The following GREB1 variants were observed in gnomAD, a reference collection of about 807,000 sequenced individuals.
The protein encoded by GREB1 is growth regulating estrogen receptor binding 1, also known as protein GREB1.
In GREB1, 106 loss-of-function variants were observed where a neutral mutation model predicts 200.7. The observed-to-expected ratio is 0.53, with a 90% CI of 0.45 to 0.62. GREB1 has a LOEUF of 0.62. Among genes scored for constraint, GREB1 ranks in the 20% least tolerant of loss-of-function variants. The pLI, the probability that GREB1 is intolerant of heterozygous loss-of-function variation, is 0.00. For synonymous variants in GREB1, 1,132 were observed against 1,092.4 expected, an observed-to-expected ratio of 1.04 and a Z score of -0.72; for missense variants, 2,243 against 2,556.8, an observed-to-expected ratio of 0.88 and a Z score of 2.65.
chr2:11,572,820 C>T (rs1678449244), intron 4 of GREB1, among the ~76,000 whole-genome samples: 1 of 151,966 alleles, frequency 6.6e-6, no homozygotes, highest in Admixed American at 6.6e-5. Flanking sequence ...AATCCTAACT[C>T]CAGCACTTTC....
intron 26 of GREB1, among the ~76,000 whole-genome samples, chr2:11,631,406 A>G (rs1361224690): frequency 6.6e-6 from 1 of 152,240 alleles, no homozygotes; most frequent in Non-Finnish European, 1.5e-5. Context: ...TTCTAATATG[A>G]GAGGGTAATG....
At chr2:11,575,509 G>T (rs747006653) in intron 4 of GREB1, among the ~76,000 whole-genome samples, 2 of 152,200 alleles carry the variant, frequency 1.3e-5, no homozygotes, top group Non-Finnish European at 2.9e-5. Flanking sequence ...GCTGATGGAA[G>T]CCTCCATCAC....
chr2:11,588,608 T>C, intron 9 of GREB1, 138 bp from the exon 10 acceptor site: 1 of 806,996 alleles, frequency 1.2e-6, no homozygotes, highest in Non-Finnish European at 2.2e-6. Flanking sequence ...TGAGCAAGGC[T>C]TCCCAGGACA....
chr2:11,555,571 C>A (rs1020716230), intron 1 of GREB1, among the ~76,000 whole-genome samples: 4 of 152,194 alleles, frequency 2.6e-5, no homozygotes, highest in Admixed American at 2.6e-4. Context: ...AGTATTGATT[C>A]ATGCTAAACA....
intron 11 of GREB1, among the ~76,000 whole-genome samples, chr2:11,593,418 G>T (rs1680929291): frequency 8.3e-6 from 1 of 120,836 alleles, no homozygotes; most frequent in South Asian, 2.6e-4. Flanking sequence ...CTCACACCAG[G>T]ATGGCCCTGT....
chr2:11,581,334 G>T, intron 7 of GREB1: 1 of 336,396 alleles, frequency 3.0e-6, no homozygotes, highest in Non-Finnish European at 5.4e-6. Context: ...AGCACATCTG[G>T]CAGCTCACTA....
At position 11,576,440 on chromosome 2, in the gene GREB1, C is replaced by G. The variant is rs74359044; in HGVS notation, c.542C>G (p.Thr181Ser). ...AATCATATAAATCTGAAACTGACCA[C>G]TCAACCCAAGAAGCAGAAACACTTG... The part of the protein sequence containing the change: ...FSNHINLKLT[T>S]QPKKQKHLKY... Residue 181 changes from threonine (T) to serine (S), a missense_variant, in exon 5 of 33, where the codon ACT (threonine) becomes AGT (serine). Thr to Ser is a moderately conservative substitution (Grantham distance 58). Coordinates refer to ENST00000381486, the MANE Select transcript of GREB1 (RefSeq NM_014668.4). 6.2e-7 allele frequency: 1 copy of G among 1,613,770 alleles called. No individual in the cohort carries two copies. The highest frequency in any genetic ancestry group is 1.7e-5 in the Admixed American group (1 of 60,014).
Position 11,548,314 on chromosome 2 carries a change from A to G in GREB1, c.-161-8140A>G, listed in dbSNP as rs982708796. Among the ~76,000 whole-genome samples, 1 of 147,698 alleles carries G rather than the reference A, an allele frequency of 6.8e-6. No individual in the cohort carries two copies. Among genetic ancestry groups the G allele is most frequent in the South Asian group, 2.1e-4 (1 of 4,788 alleles). On this transcript the variant is annotated intron_variant, in intron 1 of 32. Coordinates refer to ENST00000381486, the MANE Select transcript of GREB1 (RefSeq NM_014668.4). The surrounding 1 kb of genome is among the most constrained non-coding windows in gnomAD (Gnocchi z 5.1). ...CACGTGCACATACCCACATATGCAC[A>G]CACACGCACACACCCAGACACGTGC...
intron 17 of GREB1, among the ~76,000 whole-genome samples, chr2:11,605,407 G>A (rs1682191964): frequency 6.6e-6 from 1 of 151,782 alleles, no homozygotes; most frequent in South Asian, 2.1e-4. Flanking sequence ...TGTAGTTTTA[G>A]TAGAGACGGG....
rs66497558 is a variant in GREB1, at chr2:11,538,609, GTTTCTTTCTTTCTTTCTTTCTTTCTTTC to G, written c.-162+4408_-162+4435del. 3.0e-4 allele frequency among the ~76,000 whole-genome samples: 30 copies of G among 99,834 alleles called. 1 individual carries two copies. The highest frequency in any genetic ancestry group is 2.9e-3 in the South Asian group (9 of 3,094). 65.5% of individuals were successfully genotyped at this position (99,834 alleles called of 152,430 possible). On this transcript the variant is annotated intron_variant, in intron 1 of 32. Transcript: ENST00000381486. Reference sequence around the variant, plus strand: ...AAGAGAGCTCTGGACAGGAGCTTGTGTTTCTTTCTTTCTTTCTTTCTTTCTTTCTTTCTTTCTTTCTTTCTTTCTTTCT... The same window carrying G: ...AAGAGAGCTCTGGACAGGAGCTTGTGTTTCTTTCTTTCTTTCTTTCTTTCT...
chr2:11,539,542 T>C (rs552933074), intron 1 of GREB1, among the ~76,000 whole-genome samples: 70 of 152,356 alleles, frequency 4.6e-4, no homozygotes, highest in Non-Finnish European at 5.6e-4. Flanking sequence ...CCACAAAGCC[T>C]GTGTTCTTCT....
At chr2:11,539,875 C>T (rs1674598492) in intron 1 of GREB1, 1 of 147,184 alleles carries the variant, frequency 6.8e-6, no homozygotes, top group Non-Finnish European at 1.5e-5. Flanking sequence ...CCCTGGCTGG[C>T]TTGGCTGCCT....
Position 11,497,195 on chromosome 2 carries a change from A to G in GREB1, c.-159+14814A>G, listed in dbSNP as rs375341231. Among the ~76,000 whole-genome samples the G allele has an allele frequency of 1.7e-4, 26 of 152,362 alleles. No individual in the cohort carries two copies. In the South Asian group the frequency reaches 5.2e-3, roughly 30 times the overall value. On this transcript the variant is annotated intron_variant, in intron 1 of 2. Coordinates refer to the GREB1 transcript ENST00000628795. Reference sequence around the variant, plus strand: ...ATAATTTTGTCAATTCAAAAATATCATATAGATGGAATTATATAGTATGTG... The same window carrying G: ...ATAATTTTGTCAATTCAAAAATATCGTATAGATGGAATTATATAGTATGTG...
At chr2:11,569,107 A>C (rs1271769894) in intron 4 of GREB1, among the ~76,000 whole-genome samples, 1 of 152,222 alleles carries the variant, frequency 6.6e-6, no homozygotes, top group Non-Finnish European at 1.5e-5. Flanking sequence ...GAAAAAGCTG[A>C]AAGATTAAAA....
In GREB1 at chr2:11,556,453, G is replaced by T; in HGVS notation, c.-161-1G>T. The T allele has an allele frequency of 1.9e-6, 1 of 537,852 alleles. No homozygotes were observed. Among genetic ancestry groups the T allele is most frequent in the Non-Finnish European group, 3.2e-6 (1 of 307,708 alleles). 33.3% of individuals were successfully genotyped at this position (537,852 alleles called of 1,614,324 possible). A position where few individuals can be genotyped will look rare whatever the true frequency, so the allele number is the denominator to read the frequency against. On this transcript the variant is annotated splice_acceptor_variant, in intron 1 of 32. Coordinates refer to ENST00000381486, the MANE Select transcript of GREB1 (RefSeq NM_014668.4). LOFTEE classifies it low-confidence loss of function (5UTR_SPLICE). ...TATAACTTCCTGTAATTGCCCGGCA[G>T]TAGCTGCAGCTGAGGACAGCCACCC...
At chr2:11,539,016 C>CT in intron 1 of GREB1, among the ~76,000 whole-genome samples, 2 of 77,658 alleles carry the variant, frequency 2.6e-5, no homozygotes, top group African/African-American at 7.2e-5. Flanking sequence ...CCCTTCTCCT[C>CT]CCTTCTCTTC....
rs1388329218 is a variant in GREB1 at position 11,566,509 on chromosome 2, C to A, written c.307C>A (p.Leu103Ile). 6.2e-7 allele frequency: 1 copy of A among 1,613,306 alleles called. No homozygotes were observed. Among genetic ancestry groups the A allele is most frequent in the African/African-American group, 1.3e-5 (1 of 75,018 alleles). Residue 103 changes from leucine (L) to isoleucine (I), a missense_variant, in exon 4 of 33, where the codon CTT (leucine) becomes ATT (isoleucine). By Grantham distance (5) the Leu-to-Ile change is conservative. Transcript: ENST00000381486. ...TTGCCAGGCCGGGAAGGACCTGCGC[C>A]TTGTCTCCATTTCCAACGAGCCCAT... ...GFCQAGKDLRLVSISNEPMDV... is the reference protein window; with the variant it reads ...GFCQAGKDLRIVSISNEPMDV...
At chr2:11,586,247 G>T (rs143384157) in intron 9 of GREB1, among the ~76,000 whole-genome samples, 3 of 152,162 alleles carry the variant, frequency 2.0e-5, no homozygotes, top group Non-Finnish European at 4.4e-5. Context: ...GCTGAGTGCC[G>T]AAGATTAGGA....
Position 11,588,249 on chromosome 2 carries a change from C to T in GREB1, c.1160-497C>T. On this transcript the variant is annotated intron_variant, in intron 9 of 32. Coordinates refer to ENST00000381486, the MANE Select transcript of GREB1 (RefSeq NM_014668.4). ...TCTCAAAAAAAAAAAAAGAATGACT[C>T]AGTCTTCTGGTCTCTGTGGTGATAT... is the stretch of plus-strand genomic sequence containing the variant. 2.0e-6 allele frequency: 2 copies of T among 1,000,256 alleles called. 1 individual carries two copies. Among genetic ancestry groups the T allele is most frequent in the Non-Finnish European group, 2.4e-6 (2 of 832,714 alleles). The allele number at this position is 1,000,256 out of a possible 1,614,324, so 62.0% of individuals were successfully genotyped here. A position where few individuals can be genotyped will look rare whatever the true frequency, so the allele number is the denominator to read the frequency against.
Sources: gnomAD v4.1 joint callset for allele counts (sites outside exome capture counted in the v4.1 genomes callset) on GRCh38, gnomAD v4.1.1 for gene constraint, Gnocchi (gnomAD v3.1) non-coding constraint, MANE v1.5 for transcripts, NCBI Gene and HGNC (gene_info 2026-07-23, HGNC 2026-07-21) for gene names.